CAMK1D: variants seen among roughly 807,000 people sequenced by gnomAD.
CAMK1D encodes the protein calcium/calmodulin-dependent protein kinase type 1D.
CAMK1D carries 9 observed loss-of-function variants against 47.7 expected under a neutral mutation model. That is an observed-to-expected ratio of 0.19 (90% CI 0.11 to 0.33). The LOEUF (loss-of-function observed/expected upper bound fraction) is 0.33. CAMK1D is among the 10% of genes least tolerant of loss of function. CAMK1D has a pLI of 1.00. For synonymous variants in CAMK1D, 184 were observed against 184.9 expected (o/e 0.99, Z 0.04); for missense variants, 291 against 488.7 (o/e 0.60, Z 3.81).
intron 2 of CAMK1D, among the ~76,000 whole-genome samples, chr10:12,649,306 A>G (rs557311221): frequency 6.6e-5 from 10 of 152,352 alleles, no homozygotes; most frequent in Admixed American, 3.3e-4. Flanking sequence ...TAAGATAGGA[A>G]GAAAAGAGCC....
intron 2 of CAMK1D, among the ~76,000 whole-genome samples, chr10:12,620,903 T>G (rs1244661287): frequency 6.6e-6 from 1 of 152,236 alleles, no homozygotes; most frequent in Non-Finnish European, 1.5e-5. Context: ...CTTCAACTTC[T>G]ACGTTAAACT....
chr10:12,562,118 C>T (rs916838566), intron 2 of CAMK1D, among the ~76,000 whole-genome samples: 4 of 152,198 alleles, frequency 2.6e-5, no homozygotes, highest in Admixed American at 6.5e-5. Flanking sequence ...TCACATTCTG[C>T]AGGCTGGGAA....
At chr10:12,779,236 G>A in intron 5 of CAMK1D, among the ~76,000 whole-genome samples, 1 of 152,142 alleles carries the variant, frequency 6.6e-6, no homozygotes, top group African/African-American at 2.4e-5. Context: ...ATTCCCCTTG[G>A]TCTCGGCAAT....
chr10:12,542,614 G>A (rs910483187), intron 1 of CAMK1D, among the ~76,000 whole-genome samples: 9 of 152,268 alleles, frequency 5.9e-5, no homozygotes, highest in Middle Eastern at 3.4e-3. Flanking sequence ...AGTTCCATTC[G>A]ACTAAGAGTT....
Position 12,792,186 on chromosome 10 carries a change from G to A in CAMK1D, c.641+953G>A, listed in dbSNP as rs187696801. Among the ~76,000 whole-genome samples, 371 of 152,100 alleles carry A rather than the reference G, an allele frequency of 2.4e-3. 3 individuals carry two copies. Among genetic ancestry groups the A allele is most frequent in the African/African-American group, 8.3e-3 (343 of 41,488 alleles). On this transcript the variant is annotated intron_variant, in intron 6 of 10. Coordinates refer to ENST00000619168, the MANE Select transcript of CAMK1D (RefSeq NM_153498.4). ...AAAATGCAATGAAAATCTCAATTTC[G>A]CCTTTAGATTTCTCATTTCTTCTGA...
In CAMK1D at chr10:12,777,922, C is replaced by T. The variant is rs527314445; in HGVS notation, c.565+8123C>T. Among the ~76,000 whole-genome samples, 146 of 152,270 alleles carry T rather than the reference C, an allele frequency of 9.6e-4. 1 individual carries two copies. Among genetic ancestry groups the T allele is most frequent in the Admixed American group, 7.8e-3 (120 of 15,294 alleles). ...AGAGCCCAGCCCCATTTGGCAGCTG[C>T]GAGGGAGGAGGGAGAGAGAGCTGCC... On this transcript the variant is annotated intron_variant, in intron 5 of 10. Transcript: ENST00000619168.
rs553364712 is a variant in CAMK1D, at chr10:12,394,513, G to GA, written c.92+44606dup. ...CATTGGCATAAACTTAGGTATGCTT[G>GA]AAAGGGGCTTATGATGAATAACAAG... On this transcript the variant is annotated intron_variant, in intron 1 of 10. Coordinates refer to ENST00000619168, the MANE Select transcript of CAMK1D (RefSeq NM_153498.4). 5.8e-4 allele frequency among the ~76,000 whole-genome samples: 88 copies of GA among 152,262 alleles called. 1 individual carries two copies. The highest frequency in any genetic ancestry group is 4.9e-3 in the Admixed American group (75 of 15,294).
At chr10:12,656,407 A>C (rs1431907069) in intron 2 of CAMK1D, among the ~76,000 whole-genome samples, 2 of 152,132 alleles carry the variant, frequency 1.3e-5, no homozygotes, top group South Asian at 4.1e-4. Flanking sequence ...TGGGAGGATC[A>C]CTTGAGCCTG....
At chr10:12,605,337 AGTGTGT>A (rs112178502) in intron 2 of CAMK1D, among the ~76,000 whole-genome samples, 4 of 145,098 alleles carry the variant, frequency 2.8e-5, no homozygotes, top group East Asian at 4.2e-4. Flanking sequence ...AAACCATTCA[AGTGTGT>A]GTGTGTGTGT....
chr10:12,583,801 A>G (rs969801852), intron 2 of CAMK1D, among the ~76,000 whole-genome samples: 3 of 151,952 alleles, frequency 2.0e-5, no homozygotes, highest in Admixed American at 6.6e-5. Flanking sequence ...GGGTTTCACC[A>G]CGTTGGCCAG....
chr10:12,648,402 T>C (rs954800181), intron 2 of CAMK1D, among the ~76,000 whole-genome samples: 6 of 152,204 alleles, frequency 3.9e-5, no homozygotes, highest in Non-Finnish European at 5.9e-5. Flanking sequence ...CGCAGGGATA[T>C]TGATGATCAG....
chr10:12,717,958 A>T lies in CAMK1D; in HGVS notation c.300-42990A>T, dbSNP rs375051950. 1.6e-4 allele frequency among the ~76,000 whole-genome samples: 25 copies of T among 152,022 alleles called. 1 individual carries two copies. The highest frequency in any genetic ancestry group is 9.6e-4 in the East Asian group (5 of 5,198). On this transcript the variant is annotated intron_variant, in intron 3 of 10. Coordinates refer to ENST00000619168, the MANE Select transcript of CAMK1D (RefSeq NM_153498.4). ...AATTTCAGCATTGAAAGATATAGAT[A>T]CTATACTGAAATCATTAACTAGTGC...
intron 1 of CAMK1D, among the ~76,000 whole-genome samples, chr10:12,395,730 C>G (rs1838920418): frequency 6.6e-6 from 1 of 151,732 alleles, no homozygotes; most frequent in Non-Finnish European, 1.5e-5. Flanking sequence ...GCCTAGCCAA[C>G]ATGGTGAAAA....
intron 3 of CAMK1D, chr10:12,725,371 T>C (rs1422869838): frequency 6.4e-6 from 1 of 155,944 alleles, no homozygotes; most frequent in Non-Finnish European, 1.5e-5. Context: ...CGTGTGAAAG[T>C]ATTTGTAGCT....
chr10:12,795,199 C>T (rs556037363), intron 6 of CAMK1D, among the ~76,000 whole-genome samples: 1 of 152,202 alleles, frequency 6.6e-6, no homozygotes, highest in Admixed American at 6.5e-5. Context: ...GAGCATCAGA[C>T]AGGACAGGGG....
intron 1 of CAMK1D, among the ~76,000 whole-genome samples, chr10:12,474,559 T>A (rs571076334): frequency 6.6e-6 from 1 of 152,260 alleles, no homozygotes; most frequent in East Asian, 1.9e-4. Flanking sequence ...CTTTACCATT[T>A]TTAACCATTT....
chr10:12,455,791 G>A (rs1833225058), intron 1 of CAMK1D, among the ~76,000 whole-genome samples: 1 of 152,166 alleles, frequency 6.6e-6, no homozygotes, highest in South Asian at 2.1e-4. Flanking sequence ...GACATTTACA[G>A]CAACTAGCCC....
chr10:12,807,635 C>G (rs1328511416), intron 6 of CAMK1D, among the ~76,000 whole-genome samples: 1 of 152,184 alleles, frequency 6.6e-6, no homozygotes, highest in Non-Finnish European at 1.5e-5. Context: ...TGATAACAGC[C>G]AGGCCACCCC....
intron 1 of CAMK1D, among the ~76,000 whole-genome samples, chr10:12,486,531 GCACA>G (rs3995703): frequency 1.2e-3 from 172 of 147,088 alleles, no homozygotes; most frequent in South Asian, 1.7e-3. Flanking sequence ...GTGTGCGCGT[GCACA>G]CACACACACA....
Sources: gnomAD v4.1 joint callset for allele counts (sites outside exome capture counted in the v4.1 genomes callset) on GRCh38, gnomAD v4.1.1 for gene constraint, MANE v1.5 for transcripts, NCBI Gene and HGNC (gene_info 2026-07-23, HGNC 2026-07-21) for gene names.